Variants in SCN10A observed in about 807,000 individuals in gnomAD.
SCN10A encodes sodium voltage-gated channel alpha subunit 10.
SCN10A carries 162 observed loss-of-function variants against 170.7 expected under a neutral mutation model. The ratio of observed to expected loss-of-function variants is 0.95; its 90% confidence interval spans 0.84 to 1.08. The LOEUF is 1.08. Ranked by LOEUF, SCN10A falls within the 50% of genes least tolerant of loss-of-function variation. SCN10A has a pLI of 0.00. For synonymous variants in SCN10A, 985 were observed against 904.6 expected, an observed-to-expected ratio of 1.09 and a Z score of -1.59; for missense variants, 2,527 against 2,436.9, an observed-to-expected ratio of 1.04 and a Z score of -0.78.
intron 4 of SCN10A, among the ~76,000 whole-genome samples, chr3:38,782,769 G>A (rs2064154073): frequency 6.6e-6 from 1 of 151,790 alleles, no homozygotes; most frequent in Non-Finnish European, 1.5e-5. Context: ...TTTTGCAATG[G>A]TCATTTATTT....
chr3:38,803,454 A>G (rs534194367), intron 1 of SCN10A, among the ~76,000 whole-genome samples: 199 of 152,228 alleles, frequency 1.3e-3, no homozygotes, highest in Non-Finnish European at 1.5e-3. Context: ...TATACACCAC[A>G]GAATACTATG....
At chr3:38,740,833 T>C (rs2126013578) in intron 14 of SCN10A, among the ~76,000 whole-genome samples, 1 of 152,342 alleles carries the variant, frequency 6.6e-6, no homozygotes, top group Middle Eastern at 3.4e-3. Flanking sequence ...AAAGGCCTTT[T>C]CTCTCTCTTG....
At chr3:38,766,446 G>C (rs1321729520) in intron 5 of SCN10A, among the ~76,000 whole-genome samples, 2 of 152,004 alleles carry the variant, frequency 1.3e-5, no homozygotes, top group Non-Finnish European at 2.9e-5. Context: ...AATCATAATG[G>C]GATGCTGGAT....
chr3:38,750,097 T>C lies in SCN10A; in HGVS notation c.1843A>G (p.Ser615Gly). 2 of 1,609,876 alleles carry C rather than the reference T, an allele frequency of 1.2e-6. No individual in the cohort carries two copies. Among genetic ancestry groups the C allele is most frequent in the Non-Finnish European group, 1.7e-6 (2 of 1,176,346 alleles). ...CCCTCAAGGACGGAGGTTATGATAC[T>C]GACAACACTCATTGCCCTTTGGGCC... is the stretch of plus-strand genomic sequence containing the variant. Reference protein sequence around the residue: ...FRAQRAMSVVSIITSVLEELE... With the variant: ...FRAQRAMSVVGIITSVLEELE... Residue 615 changes from serine (S) to glycine (G), a missense_variant, in exon 13 of 28, where the codon AGT becomes GGT. By Grantham distance (56) the Ser-to-Gly change is moderately conservative. Coordinates refer to ENST00000449082, the MANE Select transcript of SCN10A (RefSeq NM_006514.4).
Position 38,815,414 on chromosome 3 carries a change from G to C in SCN10A, c.-33+623C>G, listed in dbSNP as rs115832872. The stretch of plus-strand genomic sequence containing the variant: ...TTGACATTCAGAGTCAATAGGCCTG[G>C]AGTGGGGTCCAAGAGTCTGTGTTTC... On this transcript the variant is annotated intron_variant, in intron 1 of 27. Transcript: ENST00000449082. Among the ~76,000 whole-genome samples the C allele has an allele frequency of 6.9e-3, 1,053 of 152,268 alleles. 13 individuals carry two copies. The highest frequency in any genetic ancestry group is 0.024 in the African/African-American group (1,012 of 41,534).
rs1218467833 is a variant in SCN10A, at chr3:38,714,026, T to C, written c.3736A>G (p.Ile1246Val). The change falls in exon 22 of 28, where the codon ATC (isoleucine) becomes GTC (valine). Residue 1246 changes from isoleucine (I) to valine (V), a missense_variant. Ile to Val is a conservative substitution (Grantham distance 29). Transcript: ENST00000449082. ...GCGCGAAGGGTTCGAAGGGCTTTGATGGGAGCCACTTCAGAATATTCCAGA... is the reference window on the plus strand; with the variant it reads ...GCGCGAAGGGTTCGAAGGGCTTTGACGGGAGCCACTTCAGAATATTCCAGA... ...KILEYSEVAP[I>V]KALRTLRALR... The C allele has an allele frequency of 6.2e-7, 1 of 1,614,194 alleles. No homozygotes were observed. Among genetic ancestry groups the C allele is most frequent in the Non-Finnish European group, 8.5e-7 (1 of 1,180,036 alleles).
Position 38,756,742 on chromosome 3 carries a change from T to G in SCN10A, c.1222A>C (p.Thr408Pro), listed in dbSNP as rs748299503. 6.2e-7 allele frequency: 1 copy of G among 1,614,154 alleles called. No homozygotes were observed. Among genetic ancestry groups the G allele is most frequent in the Non-Finnish European group, 8.5e-7 (1 of 1,180,006 alleles). ...MAYEEQNQATTDEIEAKEKKF... is the reference protein window; with the variant it reads ...MAYEEQNQATPDEIEAKEKKF... Reference sequence around the variant, plus strand: ...TTCTCCTTTGCTTCAATTTCATCAGTGGTTGCCTGGTTCTGCTCCTCATAC... The same window carrying G: ...TTCTCCTTTGCTTCAATTTCATCAGGGGTTGCCTGGTTCTGCTCCTCATAC... Residue 408 changes from threonine (T) to proline (P), a missense_variant, in exon 10 of 28, where the codon ACT (threonine) becomes CCT (proline). By Grantham distance (38) the Thr-to-Pro change is conservative. Transcript: ENST00000449082.
Position 38,749,213 on chromosome 3 carries a change from A to G in SCN10A, c.1867+860T>C, listed in dbSNP as rs548230137. Among the ~76,000 whole-genome samples, 26 of 152,320 alleles carry G rather than the reference A, an allele frequency of 1.7e-4. No individual in the cohort carries two copies. In the East Asian group the frequency reaches 4.8e-3, roughly 28 times the overall value. ...ACTTCTTCCCCTCAAATTAGGATTCAGCCTAGGGCTGGGAGGAAAACACAC... is the reference window on the plus strand; with the variant it reads ...ACTTCTTCCCCTCAAATTAGGATTCGGCCTAGGGCTGGGAGGAAAACACAC... On this transcript the variant is annotated intron_variant, in intron 13 of 27. Coordinates refer to ENST00000449082, the MANE Select transcript of SCN10A (RefSeq NM_006514.4).
rs536075407 is a variant in SCN10A at position 38,814,006 on chromosome 3, A to G, written c.-33+2031T>C. Among the ~76,000 whole-genome samples, 440 of 152,266 alleles carry G rather than the reference A, an allele frequency of 2.9e-3. 2 individuals are homozygous for G. Among genetic ancestry groups the G allele is most frequent in the African/African-American group, 0.01 (428 of 41,530 alleles). On this transcript the variant is annotated intron_variant, in intron 1 of 27. Transcript: ENST00000449082. ...GGGTATAGAAGTCAAGGAGAGGGAG[A>G]CCCTCATAAACTCACACTCTGGTGG... is the stretch of plus-strand genomic sequence containing the variant.
At chr3:38,742,210 C>T in intron 14 of SCN10A, 81 bp downstream of exon 14, 1 of 933,598 alleles carries the variant, frequency 1.1e-6, no homozygotes, top group Non-Finnish European at 1.7e-6. Context: ...GCATGCCCCA[C>T]CCCACCCGAA....
In SCN10A at chr3:38,750,065, G is replaced by A. The variant is rs370354229; in HGVS notation, c.1867+8C>T. The A allele has an allele frequency of 7.3e-5, 111 of 1,510,798 alleles. No individual in the cohort carries two copies. Among genetic ancestry groups the A allele is most frequent in the Middle Eastern group, 3.4e-4 (2 of 5,890 alleles). The allele number at this position is 1,510,798 out of a possible 1,614,324, so 93.6% of individuals were successfully genotyped here. A position where few individuals can be genotyped will look rare whatever the true frequency, so the allele number is the denominator to read the frequency against. On this transcript the variant is annotated splice_region_variant and intron_variant, in intron 13 of 27. Transcript: ENST00000449082. ...CAGTGGATGAACAATGCAGTGAGCA[G>A]CACTTACCCTCAAGGACGGAGGTTA...
chr3:38,794,882 G>T (rs1247975738), intron 1 of SCN10A, among the ~76,000 whole-genome samples: 1 of 152,090 alleles, frequency 6.6e-6, no homozygotes, highest in East Asian at 1.9e-4. Flanking sequence ...ACAGAACTCT[G>T]CCAACTTCAT....
Position 38,718,779 on chromosome 3 carries a change from C to A in SCN10A, c.3555G>T (p.Leu1185Phe), listed in dbSNP as rs201025253. The change falls in exon 21 of 28, where the codon TTG becomes TTT. Residue 1185 changes from leucine to phenylalanine, a missense_variant. By Grantham distance (22) the Leu-to-Phe change is conservative (BLOSUM62 0). Coordinates refer to ENST00000449082, the MANE Select transcript of SCN10A (RefSeq NM_006514.4). ...TGAAGACCCTGTCAGTGTACTCCAG[C>A]AAAGCTTTCACCGTGGGCTTCTGGT... The part of the protein sequence containing the change: ...YLDQKPTVKA[L>F]LEYTDRVFTF... 30 of 1,614,224 alleles carry A rather than the reference C, an allele frequency of 1.9e-5. No homozygotes were observed. In the East Asian group the frequency reaches 6.7e-4, roughly 36 times the overall value.
At position 38,794,053 on chromosome 3, in the gene SCN10A, T is replaced by C. The variant is rs763692492; in HGVS notation, c.-32-11A>G. 13 of 1,582,212 alleles carry C rather than the reference T, an allele frequency of 8.2e-6. No individual in the cohort carries two copies. The highest frequency in any genetic ancestry group is 1.1e-5 in the Non-Finnish European group (13 of 1,154,166). On this transcript the variant is annotated splice_polypyrimidine_tract_variant and intron_variant, in intron 1 of 27. Transcript: ENST00000449082. ...GGAAGTATTTATACTCTTATAAGAG[T>C]GGACATAACCACAGAGAGGTGACAG...
At chr3:38,788,099 A>T (rs960475900) in intron 4 of SCN10A, among the ~76,000 whole-genome samples, 2 of 152,084 alleles carry the variant, frequency 1.3e-5, no homozygotes, top group African/African-American at 4.8e-5. Context: ...AATGGAAATT[A>T]AACTTTATCA....
chr3:38,777,892 A>G (rs1401443545), intron 4 of SCN10A, among the ~76,000 whole-genome samples: 1 of 152,110 alleles, frequency 6.6e-6, no homozygotes, highest in Non-Finnish European at 1.5e-5. Flanking sequence ...TACCACACAC[A>G]TACAAAAATA....
chr3:38,698,830 C>T lies in SCN10A; in HGVS notation c.4658-268G>A, dbSNP rs549492178. On this transcript the variant is annotated intron_variant, in intron 27 of 27. Transcript: ENST00000449082. ...CGCCTAGAATATCCTCTTGGTCAACCTCCACAGTCAAAAACTTATCTTCTG... is the reference window on the plus strand; with the variant it reads ...CGCCTAGAATATCCTCTTGGTCAACTTCCACAGTCAAAAACTTATCTTCTG... Among the ~76,000 whole-genome samples the T allele has an allele frequency of 5.9e-5, 9 of 152,338 alleles. No individual in the cohort carries two copies. In the South Asian group the frequency reaches 1.7e-3, roughly 28 times the overall value.
At chr3:38,772,276 T>C (rs899244379) in intron 4 of SCN10A, among the ~76,000 whole-genome samples, 1 of 146,366 alleles carries the variant, frequency 6.8e-6, no homozygotes, top group African/African-American at 2.5e-5. Flanking sequence ...GCATCAGGAA[T>C]TTGAAGGATG....
At position 38,763,593 on chromosome 3, in the gene SCN10A, A is replaced by C. The variant is rs956822774; in HGVS notation, c.603T>G (p.Tyr201Ter). 5 of 1,613,254 alleles carry C rather than the reference A, an allele frequency of 3.1e-6. No individual in the cohort carries two copies. The highest frequency in any genetic ancestry group is 4.2e-6 in the Non-Finnish European group (5 of 1,179,350). The change falls in exon 6 of 28, where the codon TAT (tyrosine) becomes TAG (stop). Residue 201 changes from tyrosine (Y) to a stop codon, truncating the protein, a stop_gained. Coordinates refer to ENST00000449082, the MANE Select transcript of SCN10A (RefSeq NM_006514.4). LOFTEE classifies it high-confidence loss of function. ...CACGGAGATCTATTGCTGTGCCAAC[A>C]TATCTGTAGGACCAGAAGTTAGTCA... is the stretch of plus-strand genomic sequence containing the variant. Reference protein sequence around the residue: ...WLDFSVITLAYVGTAIDLRGI... With the variant: ...WLDFSVITLA
Sources: gnomAD v4.1 joint callset for allele counts (sites outside exome capture counted in the v4.1 genomes callset) on GRCh38, gnomAD v4.1.1 for gene constraint, MANE v1.5 for transcripts, NCBI Gene and HGNC (gene_info 2026-07-23, HGNC 2026-07-21) for gene names.